MRAP2: variants seen among roughly 807,000 people sequenced by gnomAD.
The protein encoded by MRAP2 is melanocortin-2 receptor accessory protein 2.
Under a neutral mutation model 17.4 loss-of-function variants are expected in MRAP2, and 20 were observed. That is an observed-to-expected ratio of 1.15 (90% CI 0.81 to 1.67). The LOEUF (loss-of-function observed/expected upper bound fraction) is 1.67. Among genes scored for constraint, MRAP2 ranks in the 40% most tolerant of loss-of-function variants. The probability of loss-of-function intolerance (pLI) is 0.00; values close to 1 mark genes in which losing one functional copy is unlikely to be tolerated. For missense variants in MRAP2, 238 were observed against 240.0 expected (o/e 0.99, Z 0.05); for synonymous variants, 96 against 88.4 (o/e 1.09, Z -0.48).
chr6:84,037,922 C>T (rs1474766647), intron 1 of MRAP2, among the ~76,000 whole-genome samples: 1 of 152,228 alleles, frequency 6.6e-6, no homozygotes, highest in Admixed American at 6.5e-5. Flanking sequence ...ACTCCTCAAG[C>T]ATGGCCGGAG....
At chr6:84,046,953 C>T (rs987957022) in intron 1 of MRAP2, among the ~76,000 whole-genome samples, 21 of 151,708 alleles carry the variant, frequency 1.4e-4, no homozygotes, top group Middle Eastern at 3.2e-3. Context: ...AGGGAGTGTT[C>T]CTTTTACTTG....
the MRAP2 span, among the ~76,000 whole-genome samples, chr6:84,104,955 T>A: frequency 2.6e-5 from 4 of 152,170 alleles, no homozygotes; most frequent in Non-Finnish European, 5.9e-5. Flanking sequence ...AGAGGCAAAA[T>A]GCCACGAGTC....
At chr6:84,033,915 G>A (rs2099485235) in intron 1 of MRAP2, 32 bp downstream of exon 1, 3 of 986,168 alleles carry the variant, frequency 3.0e-6, no homozygotes, top group Middle Eastern at 5.2e-4. Context: ...CGCCCAGGGC[G>A]GAGCAAAGCC....
At chr6:84,091,239 C>CTTTTTTT (rs34508361), downstream of MRAP2, among the ~76,000 whole-genome samples, 1 of 108,064 alleles carries the variant, frequency 9.3e-6, no homozygotes, top group African/African-American at 4.0e-5. Context: ...AGTTTGTTAA[C>CTTTTTTT]TTTTTTTTTT....
chr6:84,080,975 G>T (rs1433358429), intron 3 of MRAP2, among the ~76,000 whole-genome samples: 1 of 152,066 alleles, frequency 6.6e-6, no homozygotes, highest in African/African-American at 2.4e-5. Context: ...ATTAGCAATA[G>T]CACATATATT....
At chr6:84,040,249 A>G (rs903699448) in intron 1 of MRAP2, among the ~76,000 whole-genome samples, 3 of 152,194 alleles carry the variant, frequency 2.0e-5, no homozygotes, top group Non-Finnish European at 1.5e-5. Flanking sequence ...CCCTTCTGCC[A>G]TGATTGTAAG....
At chr6:84,107,301 T>G in the MRAP2 span, among the ~76,000 whole-genome samples, 17 of 152,152 alleles carry the variant, frequency 1.1e-4, no homozygotes, top group South Asian at 2.1e-4. Flanking sequence ...CCCTTCTTGG[T>G]TGTAGGAGCG....
At chr6:84,140,924 C>A in the MRAP2 span, among the ~76,000 whole-genome samples, 1 of 152,076 alleles carries the variant, frequency 6.6e-6, no homozygotes, top group East Asian at 1.9e-4. Context: ...AATTCTTCCA[C>A]GGAAAGAGGG....
chr6:84,089,325 A>T lies in MRAP2; in HGVS notation c.462A>T (p.Pro154=). The change falls in exon 4 of 4, where the codon CCA becomes CCT. Residue 154 remains proline, a synonymous_variant. Transcript: ENST00000257776. The part of the protein sequence containing the change: ...LQEAIRSSGQ[P]EEELNRLMKF... Reference sequence around the variant, plus strand: ...AAGCCATCAGAAGCAGTGGGCAGCCAGAGGAGGAGCTGAACAGGCTCATGA... The same window carrying T: ...AAGCCATCAGAAGCAGTGGGCAGCCTGAGGAGGAGCTGAACAGGCTCATGA... The T allele has an allele frequency of 6.2e-7, 1 of 1,614,234 alleles. No homozygotes were observed. The highest frequency in any genetic ancestry group is 1.3e-5 in the African/African-American group (1 of 75,062).
the MRAP2 span, among the ~76,000 whole-genome samples, chr6:84,141,191 G>A: frequency 6.6e-6 from 1 of 152,096 alleles, no homozygotes; most frequent in South Asian, 2.1e-4. Flanking sequence ...GGGGACCCCT[G>A]GTCTAGAATC....
At chr6:84,073,888 G>GTT (rs71549596) in intron 3 of MRAP2, among the ~76,000 whole-genome samples, 1,515 of 137,818 alleles carry the variant, frequency 0.011, 21 homozygotes, top group African/African-American at 0.037. Flanking sequence ...GTGTGTGTGT[G>GTT]TTTTTTTTTT....
the MRAP2 span, among the ~76,000 whole-genome samples, chr6:84,113,530 CTT>C: frequency 2.0e-5 from 3 of 152,158 alleles, no homozygotes; most frequent in African/African-American, 7.2e-5. Flanking sequence ...GGTCTTGACT[CTT>C]TATCCAATTT....
At position 84,079,244 on chromosome 6, in the gene MRAP2, A is replaced by G. The variant is rs112491422; in HGVS notation, c.228-9847A>G. Among the ~76,000 whole-genome samples, 353 of 152,242 alleles carry G rather than the reference A, an allele frequency of 2.3e-3. 1 individual carries two copies. The highest frequency in any genetic ancestry group is 7.9e-3 in the African/African-American group (327 of 41,568). On this transcript the variant is annotated intron_variant, in intron 3 of 3. Transcript: ENST00000257776. ...AAGAAAAAGGACAAACTATTGTCAT[A>G]TGCAACAATATAGCTAAATCTCAAA...
At chr6:84,074,961 G>A (rs921750497) in intron 3 of MRAP2, among the ~76,000 whole-genome samples, 2 of 152,152 alleles carry the variant, frequency 1.3e-5, no homozygotes, top group Non-Finnish European at 2.9e-5. Flanking sequence ...CTGTTAACGG[G>A]GGAAATATGT....
At chr6:84,093,735 A>G (rs142971215), downstream of MRAP2, among the ~76,000 whole-genome samples, 715 of 152,278 alleles carry the variant, frequency 4.7e-3, 13 homozygotes, top group African/African-American at 0.016. Flanking sequence ...GTCACAATAC[A>G]TTTTAAATCT....
intron 2 of MRAP2, chr6:84,062,262 G>A: frequency 3.4e-6 from 1 of 290,430 alleles, no homozygotes; most frequent in Non-Finnish European, 5.1e-6. Context: ...GCTAATCACA[G>A]CAGCTACACT....
At chr6:84,127,847 G>A in the MRAP2 span, among the ~76,000 whole-genome samples, 2 of 152,158 alleles carry the variant, frequency 1.3e-5, no homozygotes, top group African/African-American at 4.8e-5. Flanking sequence ...AGTGAGATAA[G>A]TGAGAACACC....
chr6:84,039,823 G>A (rs2099487050), intron 1 of MRAP2, among the ~76,000 whole-genome samples: 1 of 152,168 alleles, frequency 6.6e-6, no homozygotes, highest in Non-Finnish European at 1.5e-5. Flanking sequence ...GAAGTTGCCT[G>A]GTTTAACAAG....
At chr6:84,138,802 C>T in the MRAP2 span, among the ~76,000 whole-genome samples, 1 of 152,160 alleles carries the variant, frequency 6.6e-6, no homozygotes, top group African/African-American at 2.4e-5. Flanking sequence ...AAAAACTTTA[C>T]TTCAGTTCTG....
Sources: allele counts gnomAD v4.1 joint callset (sites outside exome capture counted in the v4.1 genomes callset), GRCh38; gene constraint gnomAD v4.1.1; transcripts MANE v1.5; gene names NCBI Gene and HGNC (gene_info 2026-07-23, HGNC 2026-07-21).